DPP10: variants seen among roughly 807,000 people sequenced by gnomAD.
DPP10 encodes inactive dipeptidyl peptidase 10.
In DPP10, 33 loss-of-function variants were observed where a neutral mutation model predicts 120.9. The ratio of observed to expected loss-of-function variants is 0.27; its 90% CI spans 0.21 to 0.37. DPP10 has a LOEUF of 0.37. DPP10 is among the 10% of genes least tolerant of loss of function. The pLI is 1.00. For missense variants in DPP10, 816 were observed against 942.8 expected (o/e 0.87, Z 1.76); for synonymous variants, 337 against 326.1 (o/e 1.03, Z -0.36).
chr2:114,579,626 T>C (rs1690333905), intron 1 of DPP10, among the ~76,000 whole-genome samples: 1 of 152,184 alleles, frequency 6.6e-6, no homozygotes, highest in Non-Finnish European at 1.5e-5. Flanking sequence ...AGCTCTTCTA[T>C]TTGGAAAGGG....
chr2:115,513,403 CATTT>C (rs1242693957), intron 4 of DPP10, among the ~76,000 whole-genome samples: 1 of 151,574 alleles, frequency 6.6e-6, no homozygotes, highest in Non-Finnish European at 1.5e-5. Context: ...ATATATTGGC[CATTT>C]ATTTAATAAT....
intron 5 of DPP10, among the ~76,000 whole-genome samples, chr2:115,615,434 G>A (rs529957556): frequency 5.9e-5 from 9 of 152,206 alleles, no homozygotes; most frequent in African/African-American, 1.9e-4. Flanking sequence ...AGAATGGCGG[G>A]ATGTTATGAA....
At chr2:115,626,387 A>T (rs980539025) in intron 5 of DPP10, among the ~76,000 whole-genome samples, 1 of 152,068 alleles carries the variant, frequency 6.6e-6, no homozygotes, top group Non-Finnish European at 1.5e-5. Flanking sequence ...TTCATCAACA[A>T]ATTAAGATTA....
At chr2:115,044,051 A>G (rs1302480939) in intron 1 of DPP10, among the ~76,000 whole-genome samples, 1 of 152,172 alleles carries the variant, frequency 6.6e-6, no homozygotes, top group East Asian at 1.9e-4. Flanking sequence ...CAGACATTCA[A>G]TTATACTCTT....
chr2:114,906,711 T>C (rs1693993464), intron 1 of DPP10, among the ~76,000 whole-genome samples: 1 of 152,168 alleles, frequency 6.6e-6, no homozygotes, highest in South Asian at 2.1e-4. Context: ...AAATTCCCAC[T>C]TGGTCATATT....
intron 5 of DPP10, among the ~76,000 whole-genome samples, chr2:115,559,319 A>G (rs563171306): frequency 6.6e-6 from 1 of 152,258 alleles, no homozygotes; most frequent in African/African-American, 2.4e-5. Context: ...ATCCTCCAAA[A>G]GGTACTAATT....
intron 1 of DPP10, among the ~76,000 whole-genome samples, chr2:114,824,264 A>C (rs1338228372): frequency 6.6e-6 from 1 of 152,174 alleles, no homozygotes; most frequent in Non-Finnish European, 1.5e-5. Context: ...TAGAGATGCT[A>C]ATTCTACACT....
intron 1 of DPP10, among the ~76,000 whole-genome samples, chr2:114,929,428 C>T (rs1169649376): frequency 3.9e-5 from 6 of 152,342 alleles, no homozygotes; most frequent in African/African-American, 1.4e-4. Context: ...TTGTCTTCAA[C>T]CGCATAAGAC....
chr2:115,794,058 T>C (rs1575795354), intron 19 of DPP10, among the ~76,000 whole-genome samples: 1 of 152,292 alleles, frequency 6.6e-6, no homozygotes, highest in South Asian at 2.1e-4. Flanking sequence ...CAAATTGACT[T>C]CCCATTCTAA....
chr2:114,691,894 T>C (rs1699774232), intron 1 of DPP10, among the ~76,000 whole-genome samples: 1 of 152,138 alleles, frequency 6.6e-6, no homozygotes, highest in Non-Finnish European at 1.5e-5. Flanking sequence ...TATTCTCTGA[T>C]GGTTGTCTGT....
At chr2:115,506,814 T>A (rs1445406787) in intron 4 of DPP10, among the ~76,000 whole-genome samples, 1 of 152,126 alleles carries the variant, frequency 6.6e-6, no homozygotes, top group Non-Finnish European at 1.5e-5. Context: ...AAACATTATA[T>A]AGTGAGTGGA....
chr2:115,383,075 A>G (rs1404666009), intron 3 of DPP10, among the ~76,000 whole-genome samples: 1 of 152,232 alleles, frequency 6.6e-6, no homozygotes, highest in Non-Finnish European at 1.5e-5. Context: ...ACTATCAAAG[A>G]TAATGGGTTA....
chr2:115,127,373 A>G (rs1301027478), intron 1 of DPP10, among the ~76,000 whole-genome samples: 1 of 152,208 alleles, frequency 6.6e-6, no homozygotes, highest in Non-Finnish European at 1.5e-5. Context: ...GCCCAATTTC[A>G]TCTAGCAGCT....
chr2:115,676,005 T>C (rs1292177700), intron 5 of DPP10, among the ~76,000 whole-genome samples: 4 of 151,974 alleles, frequency 2.6e-5, no homozygotes, highest in Non-Finnish European at 5.9e-5. Flanking sequence ...CATCCTAGAG[T>C]ATAAATAGTC....
chr2:115,605,723 T>TC (rs896625148), intron 5 of DPP10, among the ~76,000 whole-genome samples: 2 of 152,106 alleles, frequency 1.3e-5, no homozygotes, highest in East Asian at 1.9e-4. Context: ...CTCTTTTTTT[T>TC]CTCTTGTAAA....
chr2:114,780,629 C>A (rs1682239106), intron 1 of DPP10, among the ~76,000 whole-genome samples: 1 of 151,942 alleles, frequency 6.6e-6, no homozygotes, highest in South Asian at 2.1e-4. Context: ...TATGTAGATA[C>A]AACATTCCTC....
intron 1 of DPP10, among the ~76,000 whole-genome samples, chr2:115,046,032 G>C (rs978997758): frequency 6.6e-6 from 1 of 151,940 alleles, no homozygotes; most frequent in Non-Finnish European, 1.5e-5. Context: ...GTGTGTGTGT[G>C]TGTGTTGCTT....
At chr2:114,841,943 G>A (rs759120505) in intron 1 of DPP10, among the ~76,000 whole-genome samples, 21 of 152,092 alleles carry the variant, frequency 1.4e-4, no homozygotes, top group Non-Finnish European at 2.2e-4. Flanking sequence ...TAAAGAAACA[G>A]TTGTACCACT....
At chr2:115,731,354 C>CAA (rs112707633) in intron 8 of DPP10, among the ~76,000 whole-genome samples, 8 of 112,128 alleles carry the variant, frequency 7.1e-5, no homozygotes, top group Admixed American at 9.2e-5. Context: ...GACTCTGTCT[C>CAA]AAAAAAAAAA....
Sources: allele counts gnomAD v4.1 joint callset (sites outside exome capture counted in the v4.1 genomes callset), GRCh38; gene constraint gnomAD v4.1.1; transcripts MANE v1.5; gene names NCBI Gene and HGNC (gene_info 2026-07-23, HGNC 2026-07-21).